The following ARID5B variants were observed in gnomAD, a reference collection of about 807,000 sequenced individuals.
ARID5B encodes the protein AT-rich interaction domain 5B, also known as AT-rich interactive domain-containing protein 5B.
ARID5B carries 13 observed loss-of-function variants against 97.2 expected under a neutral mutation model. That is an observed-to-expected ratio of 0.13 (90% CI 0.09 to 0.21). The LOEUF is 0.21. Among genes scored for constraint, ARID5B ranks in the 10% least tolerant of loss-of-function variants. The pLI is 1.00. For synonymous variants in ARID5B, 556 were observed against 570.3 expected (o/e 0.97, Z 0.36); for missense variants, 1,210 against 1,465.3 (o/e 0.83, Z 2.84).
At chr10:61,917,759 G>A (rs959289548) in intron 2 of ARID5B, among the ~76,000 whole-genome samples, 6 of 152,296 alleles carry the variant, frequency 3.9e-5, no homozygotes, top group East Asian at 1.9e-4. Context: ...GTTAAAAATG[G>A]GGTGGGGAGA....
intron 4 of ARID5B, among the ~76,000 whole-genome samples, chr10:62,002,249 G>T (rs759581259): frequency 7.9e-5 from 12 of 152,180 alleles, no homozygotes; most frequent in Non-Finnish European, 1.8e-4. Flanking sequence ...GATCACAATG[G>T]TTGTTAAGAG....
chr10:62,052,213 C>T (rs181114121), intron 5 of ARID5B, among the ~76,000 whole-genome samples: 2 of 152,326 alleles, frequency 1.3e-5, no homozygotes, highest in Admixed American at 1.3e-4. Context: ...TTGTTTTGCA[C>T]ATTTAACTTT....
chr10:61,928,272 G>C lies in ARID5B; in HGVS notation c.277-11911G>C, dbSNP rs115216201. ...CCCAACACCTCTGTCACTTGTTCCA[G>C]TGTAAAACCTCCCCTTGAATTATTA... is the stretch of plus-strand genomic sequence containing the variant. On this transcript the variant is annotated intron_variant, in intron 2 of 9. Transcript: ENST00000279873. Among the ~76,000 whole-genome samples, 997 of 152,110 alleles carry C rather than the reference G, an allele frequency of 6.6e-3. 5 individuals carry two copies. Among genetic ancestry groups the C allele is most frequent in the African/African-American group, 0.022 (916 of 41,460 alleles).
chr10:61,939,652 C>G (rs972964372), intron 2 of ARID5B, among the ~76,000 whole-genome samples: 13 of 152,120 alleles, frequency 8.5e-5, no homozygotes, highest in South Asian at 8.3e-4. Flanking sequence ...GATTACATCA[C>G]AGTTTTATTT....
rs747411203 is a variant in ARID5B, at chr10:62,092,600, C to G, written c.3137C>G (p.Ala1046Gly). 6.2e-7 allele frequency: 1 copy of G among 1,614,178 alleles called. No individual in the cohort carries two copies. Among genetic ancestry groups the G allele is most frequent in the Non-Finnish European group, 8.5e-7 (1 of 1,180,026 alleles). ...PSKEVSGKEK[A>G]SEQESEGSKA... is the part of the protein sequence containing the mutation. Reference sequence around the variant, plus strand: ...AAGGAGGTCTCTGGGAAGGAGAAGGCCTCTGAGCAGGAGAGTGAAGGCAGC... The same window carrying G: ...AAGGAGGTCTCTGGGAAGGAGAAGGGCTCTGAGCAGGAGAGTGAAGGCAGC... The change falls in exon 10 of 10, where the codon GCC (alanine) becomes GGC (glycine). Residue 1046 changes from alanine (A) to glycine (G), a missense_variant. Transcript: ENST00000279873.
intron 2 of ARID5B, among the ~76,000 whole-genome samples, chr10:61,920,653 A>T (rs982858500): frequency 8.5e-5 from 13 of 152,216 alleles, no homozygotes; most frequent in Non-Finnish European, 1.8e-4. Flanking sequence ...GGGGCTTGGA[A>T]TTCTCATATG....
chr10:61,975,907 A>C (rs1838692507), intron 3 of ARID5B, among the ~76,000 whole-genome samples: 1 of 152,134 alleles, frequency 6.6e-6, no homozygotes, highest in Admixed American at 6.5e-5. Flanking sequence ...ATTTCTTTGT[A>C]TTTATTACTT....
intron 4 of ARID5B, among the ~76,000 whole-genome samples, chr10:62,040,147 T>A (rs867804224): frequency 4.7e-4 from 72 of 152,152 alleles, no homozygotes; most frequent in African/African-American, 1.7e-3. Flanking sequence ...ATTCTCACTC[T>A]CTCTCTCTTT....
chr10:62,082,189 A>G (rs2132972311), intron 8 of ARID5B, among the ~76,000 whole-genome samples: 1 of 152,284 alleles, frequency 6.6e-6, no homozygotes, highest in South Asian at 2.1e-4. Context: ...ATGCCTATGG[A>G]AAGATGTTAT....
intron 4 of ARID5B, among the ~76,000 whole-genome samples, chr10:62,006,311 G>A (rs913860518): frequency 6.6e-6 from 1 of 152,084 alleles, no homozygotes; most frequent in Non-Finnish European, 1.5e-5. Context: ...GCGTGGTGGC[G>A]AGCACCTGTA....
At position 62,093,113 on chromosome 10, in the gene ARID5B, AAGTC is replaced by A. The variant is rs1840410699; in HGVS notation, c.*87_*90del. 1 of 1,506,120 alleles carries A rather than the reference AAGTC, an allele frequency of 6.6e-7. No homozygotes were observed. Among genetic ancestry groups the A allele is most frequent in the Non-Finnish European group, 8.8e-7 (1 of 1,135,030 alleles). 93.3% of individuals were successfully genotyped at this position (1,506,120 alleles called of 1,614,324 possible). On this transcript the variant is annotated 3_prime_UTR_variant, in exon 10 of 10. Coordinates refer to ENST00000279873, the MANE Select transcript of ARID5B (RefSeq NM_032199.3). ...CAGGAGTGCTGGCTTATAGAGTTAGAAGTCAGTATTTCTTCTAATCTGAGGCTAT... is the reference window on the plus strand; with the variant it reads ...CAGGAGTGCTGGCTTATAGAGTTAGAAGTATTTCTTCTAATCTGAGGCTAT...
chr10:61,965,181 G>A lies in ARID5B; in HGVS notation c.502+24773G>A, dbSNP rs1026444635. On this transcript the variant is annotated intron_variant, in intron 3 of 9. Coordinates refer to ENST00000279873, the MANE Select transcript of ARID5B (RefSeq NM_032199.3). Reference sequence around the variant, plus strand: ...ATGATTAGCTGTTACAGTCCAAAGGGGCAGGGTATTTTTTTTATAGTTTTA... The same window carrying A: ...ATGATTAGCTGTTACAGTCCAAAGGAGCAGGGTATTTTTTTTATAGTTTTA... 7.9e-5 allele frequency among the ~76,000 whole-genome samples: 12 copies of A among 152,136 alleles called. No homozygotes were observed. In the South Asian group the frequency reaches 2.3e-3, roughly 29 times the overall value.
intron 4 of ARID5B, among the ~76,000 whole-genome samples, chr10:62,026,562 C>CT (rs1447743656): frequency 1.3e-5 from 2 of 152,146 alleles, no homozygotes; most frequent in African/African-American, 4.8e-5. Context: ...TAAAGGAATA[C>CT]TTTTTTAAAA....
intron 4 of ARID5B, among the ~76,000 whole-genome samples, chr10:62,037,341 C>T (rs895924803): frequency 3.9e-5 from 6 of 152,182 alleles, no homozygotes; most frequent in Non-Finnish European, 8.8e-5. Context: ...AGGGCCCTCA[C>T]ATGGTTAGAG....
At position 62,013,469 on chromosome 10, in the gene ARID5B, C is replaced by A. The variant is rs188487531; in HGVS notation, c.733+13148C>A. ...AATAAGAATACTTAAAATCTATTCT[C>A]TTAGCAATTTTTAAGAATACATTAT... On this transcript the variant is annotated intron_variant, in intron 4 of 9. Transcript: ENST00000279873. 1.3e-3 allele frequency among the ~76,000 whole-genome samples: 205 copies of A among 152,130 alleles called. 1 individual carries two copies. The highest frequency in any genetic ancestry group is 1.7e-3 in the Non-Finnish European group (118 of 67,988).
intron 3 of ARID5B, among the ~76,000 whole-genome samples, chr10:61,962,536 G>A (rs1014483723): frequency 5.3e-5 from 8 of 152,222 alleles, no homozygotes; most frequent in African/African-American, 1.9e-4. Flanking sequence ...TCATTTGCCA[G>A]ACAATCTAAT....
At chr10:62,010,477 G>C (rs1345476805) in intron 4 of ARID5B, among the ~76,000 whole-genome samples, 1 of 152,172 alleles carries the variant, frequency 6.6e-6, no homozygotes, top group East Asian at 1.9e-4. Context: ...TGCTAGATCC[G>C]AGAGGGCTTC....
chr10:61,961,485 C>T (rs149853581), intron 3 of ARID5B, among the ~76,000 whole-genome samples: 80 of 152,230 alleles, frequency 5.3e-4, no homozygotes, highest in Middle Eastern at 6.8e-3. Flanking sequence ...GGGTTGGAAC[C>T]GGTTGCGCTG....
In ARID5B at chr10:62,092,159, C is replaced by A. The variant is rs755266107; in HGVS notation, c.2696C>A (p.Ala899Asp). Residue 899 changes from alanine (A) to aspartate (D), a missense_variant, in exon 10 of 10, where the codon GCC becomes GAC. Ala to Asp is a moderately radical substitution (Grantham distance 126). This residue lies in a region of ARID5B where 800 missense variants were observed against 839.1 expected (regional missense o/e 0.95). Transcript: ENST00000279873. Reference sequence around the variant, plus strand: ...GACAAAAAGTCGGCGGCAGCAGAAGCCCCTACGGATGATCAGCCTACAGAT... The same window carrying A: ...GACAAAAAGTCGGCGGCAGCAGAAGACCCTACGGATGATCAGCCTACAGAT... ...LQDKKSAAAE[A>D]PTDDQPTDLS... 16 of 1,607,754 alleles carry A rather than the reference C, an allele frequency of 1.0e-5. No homozygotes were observed. Among genetic ancestry groups the A allele is most frequent in the Non-Finnish European group, 1.4e-5 (16 of 1,177,668 alleles).
Sources: allele counts gnomAD v4.1 joint callset (sites outside exome capture counted in the v4.1 genomes callset), GRCh38; gene constraint gnomAD v4.1.1; regional missense constraint gnomAD v4.1.1; transcripts MANE v1.5; gene names NCBI Gene and HGNC (gene_info 2026-07-23, HGNC 2026-07-21).